Variants in SLC8A1 observed in about 807,000 individuals in gnomAD.
The protein encoded by SLC8A1 is sodium/calcium exchanger 1.
A neutral mutation model predicts 68.3 loss-of-function variants in SLC8A1; 18 were observed. The ratio of observed to expected loss-of-function variants is 0.26; its 90% confidence interval spans 0.18 to 0.39. SLC8A1 has a LOEUF of 0.39. Among genes scored for constraint, SLC8A1 ranks in the 10% least tolerant of loss-of-function variants. The pLI is 1.00. For synonymous variants in SLC8A1, 475 were observed against 415.5 expected, an observed-to-expected ratio of 1.14 and a Z score of -1.74; for missense variants, 985 against 1,156.7, an observed-to-expected ratio of 0.85 and a Z score of 2.15.
intron 1 of SLC8A1, among the ~76,000 whole-genome samples, chr2:40,469,006 A>G (rs929969150): frequency 1.3e-5 from 2 of 152,170 alleles, no homozygotes; most frequent in African/African-American, 4.8e-5. Flanking sequence ...TATGCTTCTA[A>G]AAGAAGTCTG....
intron 4 of SLC8A1, among the ~76,000 whole-genome samples, chr2:40,169,468 T>C (rs1424470087): frequency 6.6e-6 from 1 of 152,136 alleles, no homozygotes; most frequent in Non-Finnish European, 1.5e-5. Context: ...ATATTTGGGC[T>C]CTAAACCTGT....
intron 2 of SLC8A1, among the ~76,000 whole-genome samples, chr2:40,264,618 C>T (rs951467661): frequency 1.2e-4 from 18 of 152,232 alleles, no homozygotes; most frequent in Non-Finnish European, 1.5e-4. Context: ...CCAAACACCG[C>T]GTGTTCTCAC....
intron 1 of SLC8A1, among the ~76,000 whole-genome samples, chr2:40,489,346 C>T (rs1311273248): frequency 6.6e-6 from 1 of 152,074 alleles, no homozygotes; most frequent in African/African-American, 2.4e-5. Context: ...TACGTGCAAA[C>T]ACATGTATTA....
At chr2:40,314,937 G>A (rs894866737) in intron 2 of SLC8A1, among the ~76,000 whole-genome samples, 4 of 151,860 alleles carry the variant, frequency 2.6e-5, no homozygotes, top group East Asian at 3.9e-4. Flanking sequence ...TGTTGTCTAC[G>A]AATACAGAGG....
intron 2 of SLC8A1, among the ~76,000 whole-genome samples, chr2:40,284,740 C>G (rs990359695): frequency 2.6e-5 from 4 of 151,726 alleles, no homozygotes; most frequent in South Asian, 2.1e-4. Flanking sequence ...GTCTGCCACT[C>G]TAATCTCTTT....
chr2:40,326,148 G>C (rs115173365), intron 2 of SLC8A1, among the ~76,000 whole-genome samples: 164 of 152,216 alleles, frequency 1.1e-3, no homozygotes, highest in African/African-American at 3.8e-3. Context: ...CAAAACTATA[G>C]GACTCACTCA....
At chr2:40,235,793 T>A (rs2060283204) in intron 2 of SLC8A1, among the ~76,000 whole-genome samples, 1 of 149,936 alleles carries the variant, frequency 6.7e-6, no homozygotes, top group East Asian at 2.0e-4. Flanking sequence ...GATTCTGGTA[T>A]GTTGTGTCTT....
At chr2:40,384,709 G>C (rs115488847) in intron 2 of SLC8A1, among the ~76,000 whole-genome samples, 4,223 of 152,090 alleles carry the variant, frequency 0.028, 72 homozygotes, top group Admixed American at 0.045. Context: ...AAATTTCAAG[G>C]ACTGGATGAA....
chr2:40,371,180 T>C (rs890208354), intron 2 of SLC8A1, among the ~76,000 whole-genome samples: 2 of 152,100 alleles, frequency 1.3e-5, no homozygotes, highest in Non-Finnish European at 2.9e-5. Flanking sequence ...TGTGCATTCA[T>C]TTCAGGTGTT....
intron 1 of SLC8A1, among the ~76,000 whole-genome samples, chr2:40,483,513 C>A (rs955245347): frequency 9.9e-5 from 15 of 152,212 alleles, no homozygotes; most frequent in African/African-American, 2.6e-4. Flanking sequence ...TAGCTACAGT[C>A]AACAAAGCCA....
chr2:40,488,978 T>C (rs1705149120), intron 1 of SLC8A1, among the ~76,000 whole-genome samples: 2 of 152,042 alleles, frequency 1.3e-5, no homozygotes, highest in African/African-American at 4.8e-5. Flanking sequence ...TGTTTCAGAG[T>C]CCCACAAGAT....
At chr2:40,373,122 T>C (rs1004044393) in intron 2 of SLC8A1, among the ~76,000 whole-genome samples, 1 of 151,832 alleles carries the variant, frequency 6.6e-6, no homozygotes, top group Non-Finnish European at 1.5e-5. Context: ...AAAATTAGTA[T>C]TTTTTGCCTT....
intron 2 of SLC8A1, among the ~76,000 whole-genome samples, chr2:40,349,961 TG>T (rs1670542731): frequency 6.6e-6 from 1 of 152,156 alleles, no homozygotes; most frequent in Non-Finnish European, 1.5e-5. Context: ...TCCAAATTAA[TG>T]GAAAGTATTC....
In SLC8A1 at chr2:40,207,563, G is replaced by A. The variant is rs982975125; in HGVS notation, c.1809-29708C>T. Among the ~76,000 whole-genome samples the A allele has an allele frequency of 5.9e-5, 9 of 151,812 alleles. No homozygotes were observed. In the East Asian group the frequency reaches 1.4e-3, roughly 23 times the overall value. On this transcript the variant is annotated intron_variant, in intron 2 of 7. Coordinates refer to ENST00000406785, the Ensembl canonical transcript of SLC8A1. ...CCTTGGGTTTTCAATATAACTACTC[G>A]AAATGACTTTAAATGCTACACAAAA... is the stretch of plus-strand genomic sequence containing the variant.
chr2:40,324,849 C>G (rs1302555694), intron 2 of SLC8A1, among the ~76,000 whole-genome samples: 3 of 152,126 alleles, frequency 2.0e-5, no homozygotes, highest in Non-Finnish European at 4.4e-5. Context: ...TTAAAGCACA[C>G]CTGGAGGAAA....
intron 1 of SLC8A1, among the ~76,000 whole-genome samples, chr2:40,473,958 C>T (rs1237861667): frequency 6.6e-6 from 1 of 152,068 alleles, no homozygotes; most frequent in Non-Finnish European, 1.5e-5. Flanking sequence ...CATTTAGTAT[C>T]GAAAACTTGC....
intron 1 of SLC8A1, among the ~76,000 whole-genome samples, chr2:40,502,534 T>G (rs1157216506): frequency 1.3e-5 from 2 of 152,072 alleles, no homozygotes; most frequent in African/African-American, 4.8e-5. Context: ...TGACAAAAAC[T>G]AAACATATAC....
At chr2:40,256,629 T>C (rs77285496) in intron 2 of SLC8A1, among the ~76,000 whole-genome samples, 3,259 of 152,294 alleles carry the variant, frequency 0.021, 59 homozygotes, top group Non-Finnish European at 0.03. Flanking sequence ...CTTCATTTTG[T>C]TGTTGTTGTT....
intron 7 of SLC8A1, among the ~76,000 whole-genome samples, chr2:40,134,189 T>C (rs2148236141): frequency 6.6e-6 from 1 of 152,110 alleles, no homozygotes; most frequent in South Asian, 2.1e-4. Flanking sequence ...CCTCCCGGGT[T>C]CAAGCCATTC....
Sources: allele counts gnomAD v4.1 joint callset (sites outside exome capture counted in the v4.1 genomes callset), GRCh38; gene constraint gnomAD v4.1.1; transcripts MANE v1.5; gene names NCBI Gene and HGNC (gene_info 2026-07-23, HGNC 2026-07-21).